Variants in STRBP observed in about 807,000 individuals in gnomAD.
STRBP encodes the protein spermatid perinuclear RNA binding protein.
STRBP carries 13 observed loss-of-function variants against 80.1 expected under a neutral mutation model. The ratio of observed to expected loss-of-function variants is 0.16; its 90% CI spans 0.11 to 0.26. STRBP has a LOEUF of 0.26. Ranked by LOEUF, STRBP falls within the 10% of genes least tolerant of loss-of-function variation. STRBP has a pLI of 1.00. For missense variants in STRBP, 485 were observed against 815.2 expected (o/e 0.59, Z 4.93); for synonymous variants, 284 against 291.2 (o/e 0.98, Z 0.25).
intron 2 of STRBP, among the ~76,000 whole-genome samples, chr9:123,236,025 T>TAAC (rs914490389): frequency 6.6e-6 from 1 of 152,142 alleles, no homozygotes; most frequent in Non-Finnish European, 1.5e-5. Context: ...CTCTACAACT[T>TAAC]AACATGCACT....
chr9:123,230,984 C>CT (rs2040382182), intron 2 of STRBP, among the ~76,000 whole-genome samples: 1 of 152,212 alleles, frequency 6.6e-6, no homozygotes. Flanking sequence ...TTGCAGAACT[C>CT]TGTCAGTAAC....
intron 11 of STRBP, among the ~76,000 whole-genome samples, chr9:123,150,853 T>A (rs1449116381): frequency 1.3e-5 from 2 of 152,170 alleles, no homozygotes; most frequent in African/African-American, 4.8e-5. Flanking sequence ...CGGGAAATAT[T>A]TCTTCATCCT....
intron 2 of STRBP, among the ~76,000 whole-genome samples, chr9:123,208,501 G>T (rs2039600485): frequency 1.3e-5 from 2 of 152,108 alleles, no homozygotes; most frequent in Non-Finnish European, 1.5e-5. Flanking sequence ...TTTTCTTAAG[G>T]GGAGGGGCAA....
downstream of STRBP, among the ~76,000 whole-genome samples, chr9:123,118,948 G>A (rs79167098): frequency 0.019 from 2,941 of 152,046 alleles, 96 homozygotes; most frequent in African/African-American, 0.066. Context: ...TCCTCTTATC[G>A]AAAAAAAGCA....
At chr9:123,189,467 T>A (rs1260382333) in intron 2 of STRBP, among the ~76,000 whole-genome samples, 1 of 141,144 alleles carries the variant, frequency 7.1e-6, no homozygotes, top group Non-Finnish European at 1.5e-5. Context: ...ATAATAATAA[T>A]AAAAAAAAAG....
At chr9:123,154,050 A>G (rs928936169) in intron 11 of STRBP, among the ~76,000 whole-genome samples, 5 of 152,222 alleles carry the variant, frequency 3.3e-5, no homozygotes, top group Admixed American at 2.0e-4. Context: ...TTGAGGATAC[A>G]GGGCAACAGG....
intron 17 of STRBP, among the ~76,000 whole-genome samples, chr9:123,129,508 T>TGG (rs1280684144): frequency 1.3e-5 from 2 of 152,184 alleles, no homozygotes; most frequent in South Asian, 2.1e-4. Context: ...TGTAACCACT[T>TGG]CTGCTATTCA....
At chr9:123,168,675 C>A (rs2037875249) in intron 6 of STRBP, among the ~76,000 whole-genome samples, 1 of 152,204 alleles carries the variant, frequency 6.6e-6, no homozygotes, top group African/African-American at 2.4e-5. Flanking sequence ...AAAATAGCAA[C>A]AGGGAGTCCC....
At chr9:123,158,185 A>T (rs1588013529) in intron 10 of STRBP, 62 bp from the exon 11 acceptor site, 5 of 1,513,834 alleles carry the variant, frequency 3.3e-6, no homozygotes, top group Non-Finnish European at 4.6e-6. Context: ...CCCTTAGAAC[A>T]TCTAGCTAAA....
At chr9:123,159,298 G>T in intron 8 of STRBP, 91 bp from the exon 9 acceptor site, 1 of 793,766 alleles carries the variant, frequency 1.3e-6, no homozygotes, top group Non-Finnish European at 1.9e-6. Flanking sequence ...CTACAAGGGA[G>T]GCCAAAGAGT....
chr9:123,208,399 T>A (rs1320475601), intron 2 of STRBP, among the ~76,000 whole-genome samples: 1 of 152,160 alleles, frequency 6.6e-6, no homozygotes, highest in East Asian at 1.9e-4. Flanking sequence ...GCAGATTTCA[T>A]CAGGATTTGC....
chr9:123,139,651 C>A lies in STRBP; in HGVS notation c.1375G>T (p.Ala459Ser). 6.2e-7 allele frequency: 1 copy of A among 1,612,334 alleles called. No homozygotes were observed. Among genetic ancestry groups the A allele is most frequent in the Non-Finnish European group, 8.5e-7 (1 of 1,179,736 alleles). The change falls in exon 14 of 19, where the codon GCA becomes TCA. Residue 459 changes from alanine to serine, a missense_variant. Physicochemically the swap from Ala to Ser is moderately conservative, Grantham distance 99 (BLOSUM62 1). Around this residue, in one of 3 missense-constraint regions of STRBP, gnomAD observed 377 missense variants for 616.1 expected, o/e 0.61. Coordinates refer to ENST00000348403, the MANE Select transcript of STRBP (RefSeq NM_018387.5). Reference protein sequence around the residue: ...QAMGYPTGFDADIECMSSDEK... With the variant: ...QAMGYPTGFDSDIECMSSDEK... ...TCGGAACTCATACATTCAATATCTG[C>A]ATCAAAGCCTGTTGGATATCCCATT...
chr9:123,128,369 G>A lies in STRBP; in HGVS notation c.1898-111C>T, dbSNP rs774314039. The A allele has an allele frequency of 4.3e-5, 51 of 1,181,728 alleles. No homozygotes were observed. In the Admixed American group the frequency reaches 7.2e-4, roughly 17 times the overall value. The allele number at this position is 1,181,728 out of a possible 1,614,324, so 73.2% of individuals were successfully genotyped here. ...CCCTGGGCCCGGAGGACTTCTTCCA[G>A]ATGTTGGATGAATGAGAACCACTGC... On this transcript the variant is annotated intron_variant, in intron 17 of 18. Transcript: ENST00000348403.
At chr9:123,152,959 T>A (rs1176489825) in intron 11 of STRBP, among the ~76,000 whole-genome samples, 5 of 152,148 alleles carry the variant, frequency 3.3e-5, no homozygotes, top group Non-Finnish European at 7.4e-5. Flanking sequence ...GAAGGGTAAA[T>A]GGGATCTCTC....
At chr9:123,223,049 TGATAGATAGATAGATAGATA>T (rs33997248) in intron 2 of STRBP, among the ~76,000 whole-genome samples, 12 of 148,004 alleles carry the variant, frequency 8.1e-5, no homozygotes, top group South Asian at 2.2e-4. Flanking sequence ...GATAGATAGA[TGATAGATAGATAGATAGATA>T]GATAGATAGA....
chr9:123,168,302 G>A (rs920821822), intron 6 of STRBP: 32 of 846,560 alleles, frequency 3.8e-5, no homozygotes, highest in Non-Finnish European at 4.4e-5. Context: ...CTTCAGAGGT[G>A]CTATAGATAC....
At chr9:123,250,311 A>G (rs2040885079) in intron 1 of STRBP, among the ~76,000 whole-genome samples, 1 of 152,244 alleles carries the variant, frequency 6.6e-6, no homozygotes, top group Non-Finnish European at 1.5e-5. Context: ...AGTGAGAATT[A>G]CAAAAATGTA....
At chr9:123,266,865 C>T (rs1031435128) in intron 1 of STRBP, among the ~76,000 whole-genome samples, 3 of 151,932 alleles carry the variant, frequency 2.0e-5, no homozygotes, top group Non-Finnish European at 1.5e-5. Context: ...TTCCTTCTTT[C>T]TCCCTACCTC....
rs543401383 is a variant in STRBP, at chr9:123,239,115, C to T, written c.-301-2149G>A. ...CCTAGGCTGGGCGCGGTAGCTCACGCCTGTAATCCCAGCACTCTGGGAGGC... is the reference window on the plus strand; with the variant it reads ...CCTAGGCTGGGCGCGGTAGCTCACGTCTGTAATCCCAGCACTCTGGGAGGC... On this transcript the variant is annotated intron_variant, in intron 1 of 18. Coordinates refer to ENST00000348403, the MANE Select transcript of STRBP (RefSeq NM_018387.5). Among the ~76,000 whole-genome samples the T allele has an allele frequency of 2.0e-5, 3 of 152,338 alleles. No individual in the cohort carries two copies. In the East Asian group the frequency reaches 5.8e-4, roughly 29 times the overall value.
Sources: gnomAD v4.1 joint callset for allele counts (sites outside exome capture counted in the v4.1 genomes callset) on GRCh38, gnomAD v4.1.1 for gene constraint, gnomAD v4.1.1 regional missense constraint, MANE v1.5 for transcripts, NCBI Gene and HGNC (gene_info 2026-07-23, HGNC 2026-07-21) for gene names.